Variants in CAMTA1 observed in about 807,000 individuals in gnomAD.
CAMTA1 encodes the protein calmodulin binding transcription activator 1, also known as calmodulin-binding transcription activator 1.
CAMTA1 carries 27 observed loss-of-function variants against 170.9 expected under a neutral mutation model. The observed-to-expected ratio is 0.16, with a 90% CI of 0.12 to 0.22. The LOEUF (loss-of-function observed/expected upper bound fraction) is 0.22, where lower values mean the gene tolerates loss of function less well. CAMTA1 is among the 10% of genes least tolerant of loss of function. The pLI, the probability that CAMTA1 is intolerant of heterozygous loss-of-function variation, is 1.00. For synonymous variants in CAMTA1, 833 were observed against 891.5 expected, an observed-to-expected ratio of 0.93 and a Z score of 1.17; for missense variants, 1,619 against 2,217.2, an observed-to-expected ratio of 0.73 and a Z score of 5.42.
At chr1:7,051,992 C>T (rs1250717802) in intron 3 of CAMTA1, among the ~76,000 whole-genome samples, 3 of 141,934 alleles carry the variant, frequency 2.1e-5, no homozygotes, top group Non-Finnish European at 3.0e-5. Flanking sequence ...CTGGCTCTGC[C>T]GTGGGGACAC....
At position 6,998,244 on chromosome 1, in the gene CAMTA1, A is replaced by AT. The variant is rs563723007; in HGVS notation, c.235-93051dup. Reference sequence around the variant, plus strand: ...AGGTGCGTGCCGCCACATCCAGCTAATTTTTTTTTGTATTTTTAGTAGAGA... The same window carrying AT: ...AGGTGCGTGCCGCCACATCCAGCTAATTTTTTTTTTGTATTTTTAGTAGAGA... On this transcript the variant is annotated intron_variant, in intron 3 of 22. Coordinates refer to ENST00000303635, the MANE Select transcript of CAMTA1 (RefSeq NM_015215.4). 6.3e-3 allele frequency among the ~76,000 whole-genome samples: 951 copies of AT among 150,008 alleles called. 9 individuals are homozygous for AT. Among genetic ancestry groups the AT allele is most frequent in the African/African-American group, 0.022 (887 of 40,846 alleles).
intron 6 of CAMTA1, among the ~76,000 whole-genome samples, chr1:7,584,406 GGGTGGTCAGATACTAA>G (rs2095290573): frequency 6.6e-6 from 1 of 152,094 alleles, no homozygotes; most frequent in Non-Finnish European, 1.5e-5. Flanking sequence ...ATGATGTGGA[GGGTGGTCAGATACTAA>G]GGTGGGGGTT....
chr1:7,020,837 C>T (rs79184684), intron 3 of CAMTA1, among the ~76,000 whole-genome samples: 2,671 of 152,300 alleles, frequency 0.018, 85 homozygotes, highest in African/African-American at 0.059. Context: ...CTGGAGGGAC[C>T]GGAGCTGGGG....
rs2095106682 is a variant in CAMTA1, at chr1:7,570,022, G to C, written c.511-70378G>C. ...TCTAAAATCATGTGTCCATTTCCCT[G>C]CCTTATTAAAGACTGTATCAATTTA... On this transcript the variant is annotated intron_variant, in intron 6 of 22. Transcript: ENST00000303635. This position sits in a 1 kb window ranked among gnomAD's most constrained non-coding sequence, Gnocchi z 4.3. Among the ~76,000 whole-genome samples, 1 of 152,178 alleles carries C rather than the reference G, an allele frequency of 6.6e-6. No individual in the cohort carries two copies. The highest frequency in any genetic ancestry group is 1.5e-5 in the Non-Finnish European group (1 of 68,032).
At chr1:7,281,237 A>G (rs1671462180) in intron 5 of CAMTA1, among the ~76,000 whole-genome samples, 1 of 152,250 alleles carries the variant, frequency 6.6e-6, no homozygotes, top group African/African-American at 2.4e-5. Context: ...CTGGCAGAAT[A>G]TTAATTCTGC....
chr1:7,605,359 T>C (rs559700485), intron 6 of CAMTA1, among the ~76,000 whole-genome samples: 7 of 152,338 alleles, frequency 4.6e-5, no homozygotes, highest in Admixed American at 1.3e-4. Flanking sequence ...GCCGCTTTAT[T>C]TACCTACTCA....
At chr1:7,002,113 GT>G (rs1698310332) in intron 3 of CAMTA1, among the ~76,000 whole-genome samples, 1 of 152,004 alleles carries the variant, frequency 6.6e-6, no homozygotes, top group African/African-American at 2.4e-5. Context: ...GGTCAGGCTG[GT>G]CTCGAACTCC....
At chr1:6,899,513 G>T (rs1348906729) in intron 3 of CAMTA1, among the ~76,000 whole-genome samples, 1 of 151,058 alleles carries the variant, frequency 6.6e-6, no homozygotes, top group African/African-American at 2.4e-5. Flanking sequence ...GAGTTACTTC[G>T]CTGTTAAAAA....
At chr1:6,814,908 C>CTT in intron 1 of CAMTA1, among the ~76,000 whole-genome samples, 2 of 152,218 alleles carry the variant, frequency 1.3e-5, no homozygotes, top group South Asian at 4.2e-4. Context: ...TCCAAAAACT[C>CTT]TAATATATGT....
intron 6 of CAMTA1, among the ~76,000 whole-genome samples, chr1:7,559,941 G>T (rs900460010): frequency 6.6e-6 from 1 of 152,250 alleles, no homozygotes; most frequent in Non-Finnish European, 1.5e-5. Context: ...GTTCTTGGAT[G>T]AGAGCTTGGT....
At chr1:7,153,955 C>A (rs1646721947) in intron 4 of CAMTA1, among the ~76,000 whole-genome samples, 1 of 152,240 alleles carries the variant, frequency 6.6e-6, no homozygotes, top group African/African-American at 2.4e-5. Flanking sequence ...GATTCTGCTC[C>A]TGGCTTCCTC....
At chr1:7,661,576 C>T (rs1558075815) in intron 7 of CAMTA1, 150 bp from the exon 8 acceptor site, 1 of 857,938 alleles carries the variant, frequency 1.2e-6, no homozygotes. Context: ...TTCCCCTCCT[C>T]CTCCCCTACT....
intron 3 of CAMTA1, among the ~76,000 whole-genome samples, chr1:6,847,213 C>G (rs890844673): frequency 3.3e-5 from 5 of 151,770 alleles, no homozygotes; most frequent in African/African-American, 1.2e-4. Context: ...CTGTGTTGGT[C>G]AGGCATGTCT....
intron 1 of CAMTA1, among the ~76,000 whole-genome samples, chr1:6,788,709 T>C (rs1452258709): frequency 1.3e-5 from 2 of 152,116 alleles, no homozygotes; most frequent in African/African-American, 2.4e-5. Context: ...ATGGAGACTT[T>C]GGGAGTTTTC....
intron 4 of CAMTA1, among the ~76,000 whole-genome samples, chr1:7,188,349 A>G (rs1472890645): frequency 1.3e-5 from 2 of 152,244 alleles, no homozygotes; most frequent in African/African-American, 2.4e-5. Context: ...ACCATTTTCC[A>G]CTGTACCATT....
chr1:6,836,125 C>T (rs905301455), intron 3 of CAMTA1, among the ~76,000 whole-genome samples: 1 of 152,092 alleles, frequency 6.6e-6, no homozygotes, highest in Non-Finnish European at 1.5e-5. Context: ...ATACTGCCTA[C>T]CCCAGGTTTC....
chr1:7,268,037 C>T (rs892693571), intron 5 of CAMTA1, among the ~76,000 whole-genome samples: 2 of 152,210 alleles, frequency 1.3e-5, no homozygotes, highest in African/African-American at 4.8e-5. Context: ...TAGGAAACAA[C>T]TATTGTTGGA....
At chr1:7,707,100 G>T (rs1167218600) in intron 11 of CAMTA1, among the ~76,000 whole-genome samples, 1 of 151,970 alleles carries the variant, frequency 6.6e-6, no homozygotes, top group African/African-American at 2.4e-5. Flanking sequence ...TGGCCAGGCT[G>T]GTCTTGAACT....
intron 3 of CAMTA1, chr1:6,871,735 C>T (rs1304891486): frequency 6.5e-7 from 1 of 1,531,252 alleles, no homozygotes; most frequent in African/African-American, 1.4e-5. Context: ...GTTTTACTTA[C>T]TGGAGCTCCT....
Sources: gnomAD v4.1 joint callset for allele counts (sites outside exome capture counted in the v4.1 genomes callset) on GRCh38, gnomAD v4.1.1 for gene constraint, Gnocchi (gnomAD v3.1) non-coding constraint, MANE v1.5 for transcripts, NCBI Gene and HGNC (gene_info 2026-07-23, HGNC 2026-07-21) for gene names.